Variants in MERTK observed in about 807,000 individuals in gnomAD.
MERTK encodes MER proto-oncogene, tyrosine kinase.
In MERTK, 69 loss-of-function variants were observed where a neutral mutation model predicts 99.3. The ratio of observed to expected loss-of-function variants is 0.70; its 90% CI spans 0.57 to 0.85. The LOEUF is 0.85. Ranked by LOEUF, MERTK falls within the 40% of genes least tolerant of loss-of-function variation. The pLI, the probability that MERTK is intolerant of heterozygous loss-of-function variation, is 0.00. For synonymous variants in MERTK, 426 were observed against 467.6 expected, an observed-to-expected ratio of 0.91 and a Z score of 1.15; for missense variants, 1,125 against 1,249.4, an observed-to-expected ratio of 0.90 and a Z score of 1.50.
At chr2:111,934,815 T>C (rs994189193) in intron 2 of MERTK, among the ~76,000 whole-genome samples, 1 of 152,238 alleles carries the variant, frequency 6.6e-6, no homozygotes, top group South Asian at 2.1e-4. Flanking sequence ...TGAATGGTAC[T>C]GTCTAGGTTT....
At chr2:111,942,888 G>A (rs1445981548) in intron 2 of MERTK, among the ~76,000 whole-genome samples, 1 of 152,206 alleles carries the variant, frequency 6.6e-6, no homozygotes, top group East Asian at 1.9e-4. Flanking sequence ...GTTGAGCTGT[G>A]TCTTAGCTGC....
At chr2:111,924,538 C>T (rs1157234402) in intron 1 of MERTK, among the ~76,000 whole-genome samples, 1 of 152,000 alleles carries the variant, frequency 6.6e-6, no homozygotes, top group South Asian at 2.1e-4. Context: ...CACTGCCTTC[C>T]TGGAAGGTTC....
chr2:111,975,564 C>T, intron 7 of MERTK, 92 bp downstream of exon 7: 3 of 1,393,744 alleles, frequency 2.2e-6, no homozygotes, highest in Non-Finnish European at 3.0e-6. Context: ...TGAAACTTTG[C>T]TTTGTTTGGA....
At chr2:111,923,952 T>C (rs1684510542) in intron 1 of MERTK, among the ~76,000 whole-genome samples, 1 of 152,192 alleles carries the variant, frequency 6.6e-6, no homozygotes, top group African/African-American at 2.4e-5. Context: ...TTTGGCTTTT[T>C]TTTCTTCACA....
At chr2:111,945,811 C>T (rs1684951826) in intron 3 of MERTK, among the ~76,000 whole-genome samples, 1 of 152,346 alleles carries the variant, frequency 6.6e-6, no homozygotes, top group African/African-American at 2.4e-5. Flanking sequence ...TCTTTATTAT[C>T]ACCCTCAGAG....
At chr2:111,959,205 T>C (rs1170276640) in intron 4 of MERTK, among the ~76,000 whole-genome samples, 1 of 152,150 alleles carries the variant, frequency 6.6e-6, no homozygotes, top group African/African-American at 2.4e-5. Flanking sequence ...TGTGAAACAG[T>C]GATCAGCAGA....
chr2:111,944,337 T>C (rs1345472894), intron 2 of MERTK, among the ~76,000 whole-genome samples: 2 of 146,258 alleles, frequency 1.4e-5, no homozygotes, highest in East Asian at 2.0e-4. Flanking sequence ...TCAAGACAAG[T>C]GATAGCACAT....
Position 112,029,422 on chromosome 2 carries a change from G to T in MERTK, c.*558G>T. ...AGACAGTGGTCGGCAGCGGCCTTGT[G>T]GCCTTTGCAAAGGAATTCCCTTAAT... is the stretch of plus-strand genomic sequence containing the variant. On this transcript the variant is annotated 3_prime_UTR_variant, in exon 19 of 19. Transcript: ENST00000295408. The T allele has an allele frequency of 1.2e-6, 1 of 828,826 alleles. No individual in the cohort carries two copies. 51.3% of individuals were successfully genotyped at this position (828,826 alleles called of 1,614,324 possible). A position where few individuals can be genotyped will look rare whatever the true frequency, so the allele number is the denominator to read the frequency against.
intron 2 of MERTK, among the ~76,000 whole-genome samples, chr2:111,935,063 G>A (rs1374847019): frequency 6.6e-6 from 1 of 152,134 alleles, no homozygotes; most frequent in Non-Finnish European, 1.5e-5. Context: ...CTGTGATAAA[G>A]TCATTTACTC....
intron 2 of MERTK, among the ~76,000 whole-genome samples, chr2:111,936,357 G>A (rs1156460537): frequency 6.6e-6 from 1 of 152,126 alleles, no homozygotes; most frequent in East Asian, 1.9e-4. Context: ...GTAATCTGCT[G>A]TTGTGAAATA....
At position 112,029,215 on chromosome 2, in the gene MERTK, CTA is replaced by C. The variant is rs1677532102; in HGVS notation, c.*353_*354del. The C allele has an allele frequency of 1.0e-6, 1 of 995,516 alleles. No homozygotes were observed. Among genetic ancestry groups the C allele is most frequent in the Non-Finnish European group, 1.2e-6 (1 of 832,126 alleles). The allele number at this position is 995,516 out of a possible 1,614,324, so 61.7% of individuals were successfully genotyped here. ...TTTCAAGTTCTTTTCTTTTTCATGACTATTAAATGTAAAAATATTTGTAAAAT... is the reference window on the plus strand; with the variant it reads ...TTTCAAGTTCTTTTCTTTTTCATGACTTAAATGTAAAAATATTTGTAAAAT... On this transcript the variant is annotated 3_prime_UTR_variant, in exon 19 of 19. Coordinates refer to ENST00000295408, the MANE Select transcript of MERTK (RefSeq NM_006343.3).
intron 8 of MERTK, among the ~76,000 whole-genome samples, chr2:111,992,902 G>A (rs1279095169): frequency 6.6e-6 from 1 of 152,184 alleles, no homozygotes; most frequent in African/African-American, 2.4e-5. Context: ...CAGAAGTACA[G>A]GTCAAACAAC....
At chr2:111,951,310 G>A (rs1214213156) in intron 4 of MERTK, among the ~76,000 whole-genome samples, 3 of 151,744 alleles carry the variant, frequency 2.0e-5, no homozygotes, top group South Asian at 2.1e-4. Context: ...TTTTGACCAA[G>A]TCCTCACCCA....
intron 4 of MERTK, among the ~76,000 whole-genome samples, chr2:111,957,550 T>A (rs769926533): frequency 6.6e-6 from 1 of 152,200 alleles, no homozygotes; most frequent in East Asian, 1.9e-4. Flanking sequence ...ATAGTACTTA[T>A]CACCTTCTAA....
At chr2:111,912,303 G>A (rs1471943956) in intron 1 of MERTK, among the ~76,000 whole-genome samples, 2 of 152,014 alleles carry the variant, frequency 1.3e-5, no homozygotes, top group African/African-American at 4.8e-5. Context: ...CACCACACCC[G>A]GCCCCAGTTG....
At chr2:112,018,319 C>T (rs549130074) in intron 15 of MERTK, among the ~76,000 whole-genome samples, 14 of 152,304 alleles carry the variant, frequency 9.2e-5, no homozygotes, top group African/African-American at 3.4e-4. Flanking sequence ...ATTACATCTT[C>T]ATGAATGACA....
intron 4 of MERTK, among the ~76,000 whole-genome samples, chr2:111,960,147 G>A (rs1260287584): frequency 6.6e-6 from 1 of 152,108 alleles, no homozygotes; most frequent in Non-Finnish European, 1.5e-5. Flanking sequence ...GGTTGCTGTG[G>A]TGCATTGTCT....
At chr2:111,959,252 C>T (rs1452887896) in intron 4 of MERTK, among the ~76,000 whole-genome samples, 2 of 152,166 alleles carry the variant, frequency 1.3e-5, no homozygotes, top group Admixed American at 6.5e-5. Flanking sequence ...TCTCCATCCT[C>T]ATCCTATATG....
chr2:111,991,235 T>G (rs1225718427), intron 8 of MERTK, among the ~76,000 whole-genome samples: 1 of 152,194 alleles, frequency 6.6e-6, no homozygotes, highest in Non-Finnish European at 1.5e-5. Flanking sequence ...GCTCTATTTA[T>G]GTTTTTTTGT....
Sources: allele counts gnomAD v4.1 joint callset (sites outside exome capture counted in the v4.1 genomes callset), GRCh38; gene constraint gnomAD v4.1.1; transcripts MANE v1.5; gene names NCBI Gene and HGNC (gene_info 2026-07-23, HGNC 2026-07-21).